Variants in SMCHD1 observed in about 807,000 individuals in gnomAD.
The protein encoded by SMCHD1 is structural maintenance of chromosomes flexible hinge domain containing 1, also known as structural maintenance of chromosomes flexible hinge domain-containing protein 1.
In SMCHD1, 78 loss-of-function variants were observed where a neutral mutation model predicts 254.7. The observed-to-expected ratio is 0.31, with a 90% confidence interval of 0.26 to 0.37. SMCHD1 has a LOEUF of 0.37. Among genes scored for constraint, SMCHD1 ranks in the 10% least tolerant of loss-of-function variants. The pLI, the probability that SMCHD1 is intolerant of heterozygous loss-of-function variation, is 1.00. For missense variants in SMCHD1, 1,840 were observed against 2,408.1 expected, an observed-to-expected ratio of 0.76 and a Z score of 4.94; for synonymous variants, 766 against 794.9, an observed-to-expected ratio of 0.96 and a Z score of 0.61.
intron 47 of SMCHD1, chr18:2,800,888 A>C (rs995813663): frequency 1.3e-5 from 2 of 152,236 alleles, no homozygotes; most frequent in Non-Finnish European, 2.9e-5. Context: ...TAAGTTCCAA[A>C]ATCAACATGG....
intron 5 of SMCHD1, among the ~76,000 whole-genome samples, chr18:2,683,622 A>T (rs2073977445): frequency 6.6e-6 from 1 of 152,196 alleles, no homozygotes; most frequent in Non-Finnish European, 1.5e-5. Flanking sequence ...TGAAAATGTC[A>T]GTTAGATTCT....
At chr18:2,737,884 T>C (rs1388448994) in intron 25 of SMCHD1, among the ~76,000 whole-genome samples, 1 of 152,102 alleles carries the variant, frequency 6.6e-6, no homozygotes, top group Non-Finnish European at 1.5e-5. Flanking sequence ...TGACAAAATA[T>C]GGAATGTAAG....
At chr18:2,694,085 G>A (rs556987931) in intron 7 of SMCHD1, among the ~76,000 whole-genome samples, 2 of 152,186 alleles carry the variant, frequency 1.3e-5, no homozygotes, top group East Asian at 3.9e-4. Context: ...TATGTGTTTG[G>A]GCTTAGCTAG....
chr18:2,693,136 T>C (rs8091982), intron 7 of SMCHD1, among the ~76,000 whole-genome samples: 1 of 152,260 alleles, frequency 6.6e-6, no homozygotes, highest in Non-Finnish European at 1.5e-5. Flanking sequence ...GCTGTAACAC[T>C]TTTTAATTAA....
chr18:2,744,906 C>T (rs143362374), intron 29 of SMCHD1, among the ~76,000 whole-genome samples: 218 of 152,256 alleles, frequency 1.4e-3, no homozygotes, highest in African/African-American at 5.1e-3. Context: ...TGCATTGGCA[C>T]GATCTTGGCT....
At chr18:2,702,755 A>C (rs1451121703) in intron 12 of SMCHD1, among the ~76,000 whole-genome samples, 1 of 152,244 alleles carries the variant, frequency 6.6e-6, no homozygotes, top group African/African-American at 2.4e-5. Flanking sequence ...CTAAGATAGT[A>C]TCCTTCTTGA....
chr18:2,755,846 T>C (rs894153955), intron 34 of SMCHD1, among the ~76,000 whole-genome samples: 10 of 152,112 alleles, frequency 6.6e-5, no homozygotes, highest in East Asian at 1.9e-4. Flanking sequence ...GGATTACAGG[T>C]GTGAATCACC....
chr18:2,763,624 T>G lies in SMCHD1; in HGVS notation c.4567-13T>G, dbSNP rs2075822076. ...ATCAGTTTCTCTAATTGTTTTCCATTTTTTGTTTTAAGGATGACTACGACA... is the reference window on the plus strand; with the variant it reads ...ATCAGTTTCTCTAATTGTTTTCCATGTTTTGTTTTAAGGATGACTACGACA... On this transcript the variant is annotated splice_polypyrimidine_tract_variant and intron_variant, in intron 36 of 47. Transcript: ENST00000320876. 6.5e-7 allele frequency: 1 copy of G among 1,543,974 alleles called. No homozygotes were observed.
At chr18:2,795,202 C>T (rs1383726848) in intron 45 of SMCHD1, among the ~76,000 whole-genome samples, 3 of 152,012 alleles carry the variant, frequency 2.0e-5, no homozygotes, top group South Asian at 2.1e-4. Context: ...TACAGGTGCC[C>T]GCCACCATGC....
intron 2 of SMCHD1, among the ~76,000 whole-genome samples, 198 bp from the exon 3 acceptor site, chr18:2,666,672 T>C (rs2073447742): frequency 6.6e-6 from 1 of 152,366 alleles, no homozygotes; most frequent in South Asian, 2.1e-4. Flanking sequence ...AATTGAGTGT[T>C]TCAAATGAAT....
rs779270166 is a variant in SMCHD1 at position 2,718,271 on chromosome 18, G to A, written c.2338+36G>A. The A allele has an allele frequency of 8.6e-5, 139 of 1,609,182 alleles. 1 individual carries two copies. The highest frequency in any genetic ancestry group is 5.3e-4 in the South Asian group (48 of 90,280). ...ATTCTGAATGTTAAAAAATACATTG[G>A]TATTGTGTTGACTTGATTTTTAATT... is the stretch of plus-strand genomic sequence containing the variant. On this transcript the variant is annotated intron_variant, in intron 18 of 47. Coordinates refer to ENST00000320876, the MANE Select transcript of SMCHD1 (RefSeq NM_015295.3). The surrounding 1 kb of genome is among the most constrained non-coding windows in gnomAD (Gnocchi z 4.6).
intron 37 of SMCHD1, among the ~76,000 whole-genome samples, chr18:2,766,439 T>A (rs541857884): frequency 3.3e-4 from 50 of 152,374 alleles, no homozygotes; most frequent in African/African-American, 1.2e-3. Flanking sequence ...ATTGTACTCT[T>A]ACCACTAGAG....
chr18:2,656,495 C>A (rs1568049338), intron 1 of SMCHD1, among the ~76,000 whole-genome samples: 1 of 152,254 alleles, frequency 6.6e-6, no homozygotes, highest in South Asian at 2.1e-4. Context: ...CCTCCCTCTG[C>A]CTCCGCTCCT....
At chr18:2,772,775 C>G (rs1015025509) in intron 41 of SMCHD1, among the ~76,000 whole-genome samples, 1 of 152,214 alleles carries the variant, frequency 6.6e-6, no homozygotes, top group Non-Finnish European at 1.5e-5. Context: ...TGACTACAGG[C>G]ATGTGCCACC....
At chr18:2,766,723 A>G (rs2075875450) in intron 37 of SMCHD1, among the ~76,000 whole-genome samples, 3 of 152,212 alleles carry the variant, frequency 2.0e-5, no homozygotes, top group Admixed American at 2.0e-4. Flanking sequence ...TTATTTGCCT[A>G]CATGATCTGG....
intron 17 of SMCHD1, among the ~76,000 whole-genome samples, chr18:2,711,774 G>T (rs371384555): frequency 6.6e-6 from 1 of 152,134 alleles, no homozygotes; most frequent in Non-Finnish European, 1.5e-5. Context: ...GAGCCACCGC[G>T]CCCGGCCTGG....
In SMCHD1 at chr18:2,743,851, T is replaced by G; in HGVS notation, c.3724T>G (p.Ser1242Ala). Residue 1242 changes from serine to alanine, a missense_variant, in exon 29 of 48, where the codon TCT becomes GCT. Physicochemically the swap from Ser to Ala is moderately conservative, Grantham distance 99. This residue lies in a region of SMCHD1 where 881 missense variants were observed against 1,009.5 expected (regional missense o/e 0.87). Transcript: ENST00000320876. ...TCTTTGTTTTACTTGGCGTGAGTTT[T>G]CTGACTTTATTCGAGTGCAACTAAT... Reference protein sequence around the residue: ...KDLCFTWREFSDFIRVQLISG... With the variant: ...KDLCFTWREFADFIRVQLISG... 1 of 1,613,404 alleles carries G rather than the reference T, an allele frequency of 6.2e-7. No homozygotes were observed. Among genetic ancestry groups the G allele is most frequent in the Non-Finnish European group, 8.5e-7 (1 of 1,179,606 alleles).
chr18:2,748,062 C>T (rs937839200), intron 30 of SMCHD1, among the ~76,000 whole-genome samples: 4 of 152,136 alleles, frequency 2.6e-5, no homozygotes, highest in East Asian at 1.9e-4. Flanking sequence ...GGTACCTATC[C>T]TCTACTTATC....
chr18:2,762,217 A>T lies in SMCHD1; in HGVS notation c.4547A>T (p.Asp1516Val), dbSNP rs1389065035. 2 of 1,613,696 alleles carry T rather than the reference A, an allele frequency of 1.2e-6. No homozygotes were observed. The highest frequency in any genetic ancestry group is 1.7e-5 in the Admixed American group (1 of 60,012). Reference protein sequence around the residue: ...RSVASRTLVRDLHLSITDDYD... With the variant: ...RSVASRTLVRVLHLSITDDYD... ...GTTGCCAGTAGGACCTTGGTCAGAG[A>T]TCTACATCTTAGTATCACGGTAATG... The change falls in exon 36 of 48, where the codon GAT becomes GTT. Residue 1516 changes from aspartate (D) to valine (V), a missense_variant. Physicochemically the swap from Asp to Val is radical, Grantham distance 152. Around this residue, in one of 9 missense-constraint regions of SMCHD1, gnomAD observed 881 missense variants for 1,009.5 expected, o/e 0.87. Transcript: ENST00000320876.
Sources: allele counts gnomAD v4.1 joint callset (sites outside exome capture counted in the v4.1 genomes callset), GRCh38; gene constraint gnomAD v4.1.1; regional missense constraint gnomAD v4.1.1; non-coding constraint Gnocchi (gnomAD v3.1); transcripts MANE v1.5; gene names NCBI Gene and HGNC (gene_info 2026-07-23, HGNC 2026-07-21).